The following MKRN2 variants were observed in gnomAD, a reference collection of about 807,000 sequenced individuals.
The protein encoded by MKRN2 is makorin ring finger protein 2.
Under a neutral mutation model 45.4 loss-of-function variants are expected in MKRN2, and 32 were observed. The ratio of observed to expected loss-of-function variants is 0.70; its 90% confidence interval spans 0.53 to 0.95. MKRN2 has a LOEUF of 0.95. Ranked by LOEUF, MKRN2 falls within the 40% of genes least tolerant of loss-of-function variation. MKRN2 has a pLI of 0.00. For synonymous variants in MKRN2, 206 were observed against 192.4 expected (o/e 1.07, Z -0.59); for missense variants, 526 against 536.7 (o/e 0.98, Z 0.20).
Position 12,582,338 on chromosome 3 carries a change from C to A in MKRN2, c.*85C>A. 1 of 1,546,670 alleles carries A rather than the reference C, an allele frequency of 6.5e-7. No individual in the cohort carries two copies. The highest frequency in any genetic ancestry group is 8.8e-7 in the Non-Finnish European group (1 of 1,130,918). On this transcript the variant is annotated 3_prime_UTR_variant, in exon 8 of 8. Transcript: ENST00000170447. Reference sequence around the variant, plus strand: ...TGTGCGGAGCTTCCCTGTACTGCAGCCAAGGTGACGTGTGACTTGGATTTG... The same window carrying A: ...TGTGCGGAGCTTCCCTGTACTGCAGACAAGGTGACGTGTGACTTGGATTTG...
chr3:12,575,157 T>A (rs1239845888), intron 5 of MKRN2, 151 bp downstream of exon 5: 1 of 698,646 alleles, frequency 1.4e-6, no homozygotes, highest in Non-Finnish European at 2.4e-6. Context: ...TCATTTACTC[T>A]TCCTGAGCCT....
intron 4 of MKRN2, 66 bp from the exon 5 acceptor site, chr3:12,574,726 C>T (rs886242531): frequency 3.8e-5 from 54 of 1,421,730 alleles, no homozygotes; most frequent in Non-Finnish European, 5.0e-5. Flanking sequence ...GCTGCAGCTA[C>T]TCCTAGGGCT....
At chr3:12,568,322 G>A (rs922268274) in intron 1 of MKRN2, among the ~76,000 whole-genome samples, 5 of 152,208 alleles carry the variant, frequency 3.3e-5, no homozygotes, top group South Asian at 2.1e-4. Flanking sequence ...TTATTGGGAT[G>A]TAACTCCATC....
intron 6 of MKRN2, among the ~76,000 whole-genome samples, chr3:12,577,409 G>A (rs1465032547): frequency 2.6e-5 from 4 of 151,748 alleles, no homozygotes; most frequent in East Asian, 3.9e-4. Flanking sequence ...CTCTACTTCC[G>A]TTTATGATAG....
intron 1 of MKRN2, among the ~76,000 whole-genome samples, chr3:12,567,209 G>A (rs1270909573): frequency 8.6e-6 from 1 of 115,708 alleles, no homozygotes; most frequent in Non-Finnish European, 1.8e-5. Flanking sequence ...CTATCAGCTT[G>A]TGTTTTTTTT....
intron 1 of MKRN2, among the ~76,000 whole-genome samples, chr3:12,565,203 G>C (rs952765023): frequency 6.6e-6 from 1 of 152,208 alleles, no homozygotes; most frequent in Admixed American, 6.5e-5. Flanking sequence ...CTGTCAAACT[G>C]TCTTCCAAAC....
chr3:12,575,569 G>A (rs117527448), intron 5 of MKRN2, among the ~76,000 whole-genome samples: 19 of 152,240 alleles, frequency 1.2e-4, no homozygotes, highest in Admixed American at 3.3e-4. Flanking sequence ...ACATCTGTCC[G>A]CTCATCTCAT....
rs556848724 is a variant in MKRN2 at position 12,583,076 on chromosome 3, T to C, written c.*823T>C. ...AGGGTAATTGTATTGAGAACTCAAA[T>C]ATACGTGCACTTACATGTGTGGTTC... On this transcript the variant is annotated 3_prime_UTR_variant, in exon 8 of 8. Transcript: ENST00000170447. 6.6e-6 allele frequency: 1 copy of C among 152,370 alleles called. No homozygotes were observed. Among genetic ancestry groups the C allele is most frequent in the South Asian group, 2.1e-4 (1 of 4,832 alleles). 9.4% of individuals were successfully genotyped at this position (152,370 alleles called of 1,614,324 possible). A position where few individuals can be genotyped will look rare whatever the true frequency, so the allele number is the denominator to read the frequency against.
intron 1 of MKRN2, among the ~76,000 whole-genome samples, chr3:12,562,047 G>T (rs1001643630): frequency 2.6e-5 from 4 of 152,116 alleles, no homozygotes; most frequent in African/African-American, 9.7e-5. Context: ...GACATGGGGG[G>T]TCTGGAGGAG....
Position 12,574,984 on chromosome 3 carries a change from C to T in MKRN2, c.835C>T (p.Gln279Ter). Reference protein sequence around the residue: ...SCIRQWRCAKQFENPIIKSCP... With the variant: ...SCIRQWRCAK ...CATCCGGCAGTGGCGGTGTGCCAAA[C>T]AGTTTGAAAACCCAATCATTAAGTA... Residue 279 changes from glutamine to a stop codon, truncating the protein, a stop_gained, in exon 5 of 8, where the codon CAG becomes TAG. Transcript: ENST00000170447. LOFTEE classifies it high-confidence loss of function. 1 of 1,614,180 alleles carries T rather than the reference C, an allele frequency of 6.2e-7. No homozygotes were observed. The highest frequency in any genetic ancestry group is 8.5e-7 in the Non-Finnish European group (1 of 1,180,000).
chr3:12,582,260 G>A lies in MKRN2; in HGVS notation c.*7G>A, dbSNP rs755132247. The A allele has an allele frequency of 6.2e-7, 1 of 1,613,586 alleles. No homozygotes were observed. Among genetic ancestry groups the A allele is most frequent in the Non-Finnish European group, 8.5e-7 (1 of 1,179,666 alleles). On this transcript the variant is annotated 3_prime_UTR_variant, in exon 8 of 8. Transcript: ENST00000170447. ...GGAATCATCAGAACCCTAAAGAGTA[G>A]ATGGTTGCCCTGCATCTTGGGCTCC...
intron 6 of MKRN2, among the ~76,000 whole-genome samples, chr3:12,579,386 T>C (rs113671109): frequency 0.23 from 35,149 of 152,076 alleles, 4,345 homozygotes; most frequent in African/African-American, 0.3. Context: ...AGGCTGGTCT[T>C]GAACTCCTGG....
rs906497773 is a variant in MKRN2 at position 12,557,097 on chromosome 3, C to T, written c.-54C>T. ...GGCCGGGCCAGGGCCAAGGCCGAGG[C>T]GGCAGCGGCTGCGAGAGGCGGCGGC... is the stretch of plus-strand genomic sequence containing the variant. On this transcript the variant is annotated 5_prime_UTR_variant, in exon 1 of 8. Coordinates refer to ENST00000170447, the MANE Select transcript of MKRN2 (RefSeq NM_014160.5). The T allele has an allele frequency of 6.7e-6, 10 of 1,482,644 alleles. No homozygotes were observed. In the African/African-American group the frequency reaches 1.2e-4, roughly 17 times the overall value. 91.8% of individuals were successfully genotyped at this position (1,482,644 alleles called of 1,614,324 possible).
intron 6 of MKRN2, among the ~76,000 whole-genome samples, chr3:12,580,541 C>T (rs1206190252): frequency 6.6e-6 from 1 of 151,952 alleles, no homozygotes; most frequent in Non-Finnish European, 1.5e-5. Context: ...CAGCCTCCAC[C>T]TCCTGGGTTC....
rs1448836828 is a variant in MKRN2, at chr3:12,581,809, A to G, written c.970A>G (p.Lys324Glu). The G allele has an allele frequency of 1.4e-5, 22 of 1,613,380 alleles. No homozygotes were observed. The highest frequency in any genetic ancestry group is 1.8e-5 in the Non-Finnish European group (21 of 1,179,682). The change falls in exon 7 of 8, where the codon AAA (lysine) becomes GAA (glutamate). Residue 324 changes from lysine to glutamate, a missense_variant and splice_region_variant. Transcript: ENST00000170447. Reference sequence around the variant, plus strand: ...TGACTTTTTCTTTCTGCTTTTCAGGAAAAAAGCCTGTAAATACTTTGAGCA... The same window carrying G: ...TGACTTTTTCTTTCTGCTTTTCAGGGAAAAAGCCTGTAAATACTTTGAGCA... ...LIEAFKQGMG[K>E]KACKYFEQGK...
chr3:12,576,818 C>G (rs895597525), intron 6 of MKRN2, 77 bp downstream of exon 6: 34 of 1,068,322 alleles, frequency 3.2e-5, no homozygotes, highest in Non-Finnish European at 4.7e-5. Flanking sequence ...GTTCTCCTTC[C>G]CAGGAGTGTG....
intron 1 of MKRN2, among the ~76,000 whole-genome samples, chr3:12,563,483 CTTT>C (rs769910086): frequency 1.2e-4 from 12 of 101,394 alleles, no homozygotes; most frequent in African/African-American, 2.9e-4. Context: ...TTGTCTAGTT[CTTT>C]TTTTTTTTTT....
intron 4 of MKRN2, among the ~76,000 whole-genome samples, chr3:12,574,562 A>C (rs551163381): frequency 2.1e-4 from 32 of 152,144 alleles, no homozygotes; most frequent in Non-Finnish European, 2.6e-4. Flanking sequence ...TGACCATGTC[A>C]CCTCCTAGGA....
chr3:12,564,637 C>A (rs1022814848), intron 1 of MKRN2, among the ~76,000 whole-genome samples: 13 of 152,060 alleles, frequency 8.5e-5, no homozygotes, highest in Non-Finnish European at 1.5e-5. Context: ...AACTTATATA[C>A]CATAAAATTT....
Sources: gnomAD v4.1 joint callset for allele counts (sites outside exome capture counted in the v4.1 genomes callset) on GRCh38, gnomAD v4.1.1 for gene constraint, MANE v1.5 for transcripts, NCBI Gene and HGNC (gene_info 2026-07-23, HGNC 2026-07-21) for gene names.